Variants in PINX1 observed in about 807,000 individuals in gnomAD.
The protein encoded by PINX1 is PIN2/TERF1-interacting telomerase inhibitor 1.
In PINX1, 34 loss-of-function variants were observed where a neutral mutation model predicts 25.4. That is an observed-to-expected ratio of 1.34 (90% CI 1.02 to 1.78). PINX1 has a LOEUF of 1.78. Among genes scored for constraint, PINX1 ranks in the 40% most tolerant of loss-of-function variants. The pLI is 0.00. For missense variants in PINX1, 592 were observed against 404.9 expected, an observed-to-expected ratio of 1.46 and a Z score of -3.97; for synonymous variants, 197 against 147.7, an observed-to-expected ratio of 1.33 and a Z score of -2.42.
chr8:10,802,944 G>A (rs894383134), intron 6 of PINX1, among the ~76,000 whole-genome samples: 3 of 152,104 alleles, frequency 2.0e-5, no homozygotes, highest in African/African-American at 7.2e-5. Flanking sequence ...GGACATATGA[G>A]GGCAAAAATA....
intron 6 of PINX1, among the ~76,000 whole-genome samples, chr8:10,814,539 T>A (rs1797635601): frequency 6.6e-6 from 1 of 152,220 alleles, no homozygotes; most frequent in Non-Finnish European, 1.5e-5. Context: ...TTGGATTGAT[T>A]TTTAAAAACA....
rs1251730519 is a variant in PINX1, at chr8:10,820,259, C to G, written c.405G>C (p.Leu135=). The change falls in exon 6 of 7, where the codon CTG becomes CTC. Residue 135 remains leucine (L), a synonymous_variant. Transcript: ENST00000314787. Reference sequence around the variant, plus strand: ...CAAGATCTGTTTTGCTCCGAGATGACAGATCCTTCCCTAGAAAAACAATGT... The same window carrying G: ...CAAGATCTGTTTTGCTCCGAGATGAGAGATCCTTCCCTAGAAAAACAATGT... The part of the protein sequence containing the change: ...HYMKFTKGKD[L]SSRSKTDLDC... 2 of 1,610,092 alleles carry G rather than the reference C, an allele frequency of 1.2e-6. No individual in the cohort carries two copies. The highest frequency in any genetic ancestry group is 1.7e-6 in the Non-Finnish European group (2 of 1,176,658).
At chr8:10,821,165 T>C (rs1797855839) in intron 5 of PINX1, among the ~76,000 whole-genome samples, 1 of 152,288 alleles carries the variant, frequency 6.6e-6, no homozygotes, top group East Asian at 1.9e-4. Context: ...GGAATGTGAG[T>C]CTCACGCTGG....
At chr8:10,824,505 G>GATACAGAA (rs1316056457) in intron 5 of PINX1, among the ~76,000 whole-genome samples, 1 of 152,176 alleles carries the variant, frequency 6.6e-6, no homozygotes, top group Non-Finnish European at 1.5e-5. Context: ...AAGGCTAATA[G>GATACAGAA]ATACAGAACC....
At chr8:10,774,410 T>A (rs2129071957) in intron 6 of PINX1, among the ~76,000 whole-genome samples, 1 of 152,004 alleles carries the variant, frequency 6.6e-6, no homozygotes, top group East Asian at 1.9e-4. Flanking sequence ...GCCTCCCGAG[T>A]AGCTGGGATT....
At chr8:10,827,910 C>CA (rs35913986) in intron 4 of PINX1, among the ~76,000 whole-genome samples, 33,303 of 81,910 alleles carry the variant, frequency 0.41, 6,583 homozygotes, top group East Asian at 0.69. Flanking sequence ...GACTCCATCT[C>CA]AAAAAAAAAA....
At chr8:10,792,022 C>T (rs1041165346) in intron 6 of PINX1, among the ~76,000 whole-genome samples, 11 of 152,192 alleles carry the variant, frequency 7.2e-5, no homozygotes, top group African/African-American at 2.7e-4. Context: ...AGGACCGCCC[C>T]CTCTCTCCCG....
intron 6 of PINX1, among the ~76,000 whole-genome samples, chr8:10,796,047 G>A (rs1389895874): frequency 7.9e-5 from 12 of 152,214 alleles, no homozygotes; most frequent in Admixed American, 7.2e-4. Context: ...TGATGACTTT[G>A]CAGGCCAAGT....
At chr8:10,781,358 A>T (rs1285048554) in intron 6 of PINX1, among the ~76,000 whole-genome samples, 1 of 152,226 alleles carries the variant, frequency 6.6e-6, no homozygotes, top group Non-Finnish European at 1.5e-5. Context: ...GGACTACATC[A>T]AACTAAAAAG....
At chr8:10,822,721 G>T (rs901147924) in intron 5 of PINX1, among the ~76,000 whole-genome samples, 1 of 152,136 alleles carries the variant, frequency 6.6e-6, no homozygotes, top group Non-Finnish European at 1.5e-5. Flanking sequence ...TAGGAATCAA[G>T]ATGATTTGGA....
intron 6 of PINX1, among the ~76,000 whole-genome samples, chr8:10,794,629 G>A (rs1158217287): frequency 6.6e-6 from 1 of 152,074 alleles, no homozygotes; most frequent in Non-Finnish European, 1.5e-5. Flanking sequence ...GTTTCACCAT[G>A]TTGACCAGGC....
At chr8:10,832,074 T>C (rs1187546651) in intron 3 of PINX1, among the ~76,000 whole-genome samples, 1 of 152,154 alleles carries the variant, frequency 6.6e-6, no homozygotes. Flanking sequence ...AATGACTATT[T>C]TTTTCTCACT....
intron 4 of PINX1, among the ~76,000 whole-genome samples, chr8:10,829,444 T>G (rs1798159531): frequency 6.6e-6 from 1 of 152,172 alleles, no homozygotes. Flanking sequence ...TATCTCTGCT[T>G]GCTTTTCTTA....
At chr8:10,806,819 G>A (rs1765563671) in intron 6 of PINX1, among the ~76,000 whole-genome samples, 2 of 152,106 alleles carry the variant, frequency 1.3e-5, no homozygotes, top group African/African-American at 4.8e-5. Context: ...CATGTAGGAG[G>A]ACCTCCCCAC....
At position 10,834,795 on chromosome 8, in the gene PINX1, A is replaced by G. The variant is rs1798350448; in HGVS notation, c.20-20T>C. On this transcript the variant is annotated intron_variant, in intron 1 of 6. Coordinates refer to ENST00000314787, the MANE Select transcript of PINX1 (RefSeq NM_017884.6). Reference sequence around the variant, plus strand: ...GCCGACCTGTAAATGAAAAAGCATTATCATCAGCAATGGAGATGATACCCG... The same window carrying G: ...GCCGACCTGTAAATGAAAAAGCATTGTCATCAGCAATGGAGATGATACCCG... 16 of 1,558,866 alleles carry G rather than the reference A, an allele frequency of 1.0e-5. No individual in the cohort carries two copies. Among genetic ancestry groups the G allele is most frequent in the Non-Finnish European group, 1.4e-5 (16 of 1,132,842 alleles).
chr8:10,809,788 C>T lies in PINX1; in HGVS notation c.471+10405G>A, dbSNP rs551785706. Among the ~76,000 whole-genome samples, 6 of 152,380 alleles carry T rather than the reference C, an allele frequency of 3.9e-5. No homozygotes were observed. The East Asian group carries it at 9.6e-4, about 24-fold the overall frequency. On this transcript the variant is annotated intron_variant, in intron 6 of 6. Coordinates refer to ENST00000314787, the MANE Select transcript of PINX1 (RefSeq NM_017884.6). ...GCTATGCAATCACACACTTTATCAT[C>T]ACCATCCTCGTTCATCATTCTAATT... is the stretch of plus-strand genomic sequence containing the variant.
At chr8:10,805,936 G>A (rs1786437686) in intron 6 of PINX1, among the ~76,000 whole-genome samples, 1 of 75,612 alleles carries the variant, frequency 1.3e-5, no homozygotes, top group Non-Finnish European at 2.6e-5. Context: ...CTAGTGCTGA[G>A]GGGGTGACGG....
At chr8:10,766,395 C>T (rs1024936861) in intron 6 of PINX1, among the ~76,000 whole-genome samples, 3 of 152,116 alleles carry the variant, frequency 2.0e-5, no homozygotes, top group African/African-American at 7.2e-5. Flanking sequence ...ACTTAGACGC[C>T]ATCTGGATAG....
chr8:10,780,439 CT>C (rs1180783543), intron 6 of PINX1, among the ~76,000 whole-genome samples: 1 of 152,108 alleles, frequency 6.6e-6, no homozygotes, highest in Non-Finnish European at 1.5e-5. Flanking sequence ...ATGCTGAATG[CT>C]TTTTCTGTGT....
Sources: allele counts gnomAD v4.1 joint callset (sites outside exome capture counted in the v4.1 genomes callset), GRCh38; gene constraint gnomAD v4.1.1; transcripts MANE v1.5; gene names NCBI Gene and HGNC (gene_info 2026-07-23, HGNC 2026-07-21).